Variants in CFAP61 observed in about 807,000 individuals in gnomAD.
CFAP61 encodes cilia- and flagella-associated protein 61.
A neutral mutation model predicts 135.6 loss-of-function variants in CFAP61; 107 were observed. The observed-to-expected ratio is 0.79, with a 90% CI of 0.67 to 0.93. The LOEUF is 0.93. CFAP61 is among the 40% of genes least tolerant of loss of function. The probability of loss-of-function intolerance (pLI) is 0.00; values close to 1 mark genes in which losing one functional copy is unlikely to be tolerated. For synonymous variants in CFAP61, 575 were observed against 578.5 expected (o/e 0.99, Z 0.09); for missense variants, 1,507 against 1,556.2 (o/e 0.97, Z 0.53).
chr20:20,098,539 G>A, intron 7 of CFAP61, 116 bp from the exon 8 acceptor site: 1 of 848,586 alleles, frequency 1.2e-6, no homozygotes, highest in Non-Finnish European at 1.8e-6. Context: ...AACTGAGGAG[G>A]CGGAGGTTGC....
intron 20 of CFAP61, among the ~76,000 whole-genome samples, chr20:20,256,400 CCA>C (rs35783358): frequency 0.13 from 18,798 of 148,582 alleles, 1,241 homozygotes; most frequent in East Asian, 0.32. Context: ...AAAATTTAGG[CCA>C]CACACACACA....
chr20:20,254,341 C>T (rs1339339219), intron 20 of CFAP61, among the ~76,000 whole-genome samples: 1 of 151,718 alleles, frequency 6.6e-6, no homozygotes, highest in Non-Finnish European at 1.5e-5. Context: ...GCCATATGCA[C>T]CCCCTTAGCT....
chr20:20,212,316 C>G (rs2047707569), intron 17 of CFAP61, among the ~76,000 whole-genome samples: 1 of 152,200 alleles, frequency 6.6e-6, no homozygotes, highest in Non-Finnish European at 1.5e-5. Flanking sequence ...AGCCATCTCT[C>G]TCACACACAC....
rs565604291 is a variant in CFAP61, at chr20:20,208,784, A to G, written c.1932+8882A>G. On this transcript the variant is annotated intron_variant, in intron 17 of 26. Transcript: ENST00000245957. ...AGAGCTCTTGCCTCTGTGGGTCAGC[A>G]GGTTCTGCCCGTGCAGGCCACCTGC... 5.3e-5 allele frequency among the ~76,000 whole-genome samples: 8 copies of G among 152,328 alleles called. No homozygotes were observed. In the South Asian group the frequency reaches 1.4e-3, roughly 28 times the overall value.
intron 21 of CFAP61, among the ~76,000 whole-genome samples, chr20:20,274,297 T>G (rs1053144230): frequency 8.5e-5 from 13 of 152,172 alleles, no homozygotes; most frequent in Non-Finnish European, 1.8e-4. Context: ...TGAGCAGTGT[T>G]GCAGAAAGAA....
chr20:20,079,311 C>T (rs772511113), intron 6 of CFAP61, among the ~76,000 whole-genome samples: 1 of 152,194 alleles, frequency 6.6e-6, no homozygotes, highest in Non-Finnish European at 1.5e-5. Context: ...TACTTCTGAA[C>T]TCTTGGTTTG....
chr20:20,097,693 T>C (rs1422689088), intron 7 of CFAP61, among the ~76,000 whole-genome samples: 8 of 152,174 alleles, frequency 5.3e-5, no homozygotes. Context: ...GAACCAGGCA[T>C]TTCAGGGTGA....
chr20:20,181,300 C>T (rs1216232958), intron 13 of CFAP61, among the ~76,000 whole-genome samples: 1 of 150,356 alleles, frequency 6.7e-6, no homozygotes, highest in East Asian at 1.9e-4. Context: ...CACACACACA[C>T]ATAACCTTGT....
intron 21 of CFAP61, chr20:20,267,396 G>A (rs1322643772): frequency 1.3e-5 from 2 of 152,526 alleles, no homozygotes; most frequent in Non-Finnish European, 2.9e-5. Flanking sequence ...CTGACCAGGC[G>A]GGTGCCGCTG....
chr20:20,267,271 C>T (rs778303511), intron 21 of CFAP61, among the ~76,000 whole-genome samples: 3 of 152,160 alleles, frequency 2.0e-5, no homozygotes, highest in African/African-American at 7.2e-5. Flanking sequence ...TGGGCAGAGT[C>T]TGTGAAGGGC....
At position 20,090,908 on chromosome 20, in the gene CFAP61, T is replaced by TA; in HGVS notation, c.632dup (p.Tyr211Ter). 5 of 1,614,084 alleles carry TA rather than the reference T, an allele frequency of 3.1e-6. No individual in the cohort carries two copies. In the South Asian group the frequency reaches 4.4e-5, roughly 14 times the overall value. Residue 211 changes from tyrosine to a stop codon, truncating the protein, a stop_gained and frameshift_variant, in exon 7 of 27, where the codon TAC becomes TAAC. Coordinates refer to ENST00000245957, the MANE Select transcript of CFAP61 (RefSeq NM_015585.4). LOFTEE classifies it high-confidence loss of function. ...MRYDTILKET[Y>*]GEYFLAELIE... ...CTATGACACAATTCTGAAGGAAACT[T>TA]ACGGTGAATACTTCCTGGCCGAACT...
At chr20:20,136,470 C>G (rs1341760080) in intron 8 of CFAP61, among the ~76,000 whole-genome samples, 1 of 152,018 alleles carries the variant, frequency 6.6e-6, no homozygotes, top group Non-Finnish European at 1.5e-5. Flanking sequence ...TTTAAAATAG[C>G]CTGTTTTCAA....
Position 20,123,665 on chromosome 20 carries a change from G to A in CFAP61, c.860-19192G>A, listed in dbSNP as rs1002101290. On this transcript the variant is annotated intron_variant, in intron 8 of 26. Transcript: ENST00000245957. ...GACTCTCATGCTGTTTTGGTGGTGT[G>A]ATGCCTCCAGACTTGTTCTTTTTGC... is the stretch of plus-strand genomic sequence containing the variant. 1.9e-4 allele frequency among the ~76,000 whole-genome samples: 29 copies of A among 151,664 alleles called. 1 individual carries two copies. Among genetic ancestry groups the A allele is most frequent in the African/African-American group, 6.8e-4 (28 of 41,068 alleles).
At chr20:20,087,743 G>A (rs2046906995) in intron 6 of CFAP61, among the ~76,000 whole-genome samples, 1 of 151,956 alleles carries the variant, frequency 6.6e-6, no homozygotes, top group African/African-American at 2.4e-5. Flanking sequence ...TGCTATTTTT[G>A]TGACAGATGC....
At chr20:20,189,839 G>A (rs2055790649) in intron 14 of CFAP61, among the ~76,000 whole-genome samples, 1 of 152,186 alleles carries the variant, frequency 6.6e-6, no homozygotes, top group African/African-American at 2.4e-5. Flanking sequence ...TTGTTGCCCA[G>A]GCTGGAGTGC....
At chr20:20,162,024 C>T (rs763690240) in intron 10 of CFAP61, among the ~76,000 whole-genome samples, 12 of 152,168 alleles carry the variant, frequency 7.9e-5, no homozygotes, top group Non-Finnish European at 1.8e-4. Context: ...GTGTGCTGAG[C>T]TTCAGGTGTA....
At chr20:20,329,543 C>A (rs932632761) in intron 25 of CFAP61, among the ~76,000 whole-genome samples, 14 of 152,190 alleles carry the variant, frequency 9.2e-5, no homozygotes, top group South Asian at 2.1e-4. Context: ...TCCAGTGTAG[C>A]CTCAACATGG....
At chr20:20,269,330 T>TA (rs572037875) in intron 21 of CFAP61, among the ~76,000 whole-genome samples, 190 of 150,592 alleles carry the variant, frequency 1.3e-3, no homozygotes, top group Middle Eastern at 6.8e-3. Flanking sequence ...ATATAAACTA[T>TA]AAAATGTAAC....
At position 20,156,705 on chromosome 20, in the gene CFAP61, C is replaced by T. The variant is rs116782989; in HGVS notation, c.952-2665C>T. On this transcript the variant is annotated intron_variant, in intron 9 of 26. Coordinates refer to ENST00000245957, the MANE Select transcript of CFAP61 (RefSeq NM_015585.4). ...ATTAATATGCAAAATTTAGTTGTAT[C>T]TCTGTATAATAGCAATGAACAATCA... is the stretch of plus-strand genomic sequence containing the variant. Among the ~76,000 whole-genome samples, 758 of 152,192 alleles carry T rather than the reference C, an allele frequency of 5.0e-3. 5 individuals carry two copies. The highest frequency in any genetic ancestry group is 0.017 in the African/African-American group (726 of 41,530).
Sources: gnomAD v4.1 joint callset for allele counts (sites outside exome capture counted in the v4.1 genomes callset) on GRCh38, gnomAD v4.1.1 for gene constraint, MANE v1.5 for transcripts, NCBI Gene and HGNC (gene_info 2026-07-23, HGNC 2026-07-21) for gene names.